The following ANO2 variants were observed in gnomAD, a reference collection of about 807,000 sequenced individuals.
ANO2 encodes the protein anoctamin 2.
Under a neutral mutation model 124.2 loss-of-function variants are expected in ANO2, and 101 were observed. The ratio of observed to expected loss-of-function variants is 0.81; its 90% CI spans 0.69 to 0.96. The LOEUF (loss-of-function observed/expected upper bound fraction) is 0.96. Ranked by LOEUF, ANO2 falls within the 40% of genes least tolerant of loss-of-function variation. The pLI, the probability that ANO2 is intolerant of heterozygous loss-of-function variation, is 0.00. For missense variants in ANO2, 1,293 were observed against 1,274.5 expected (o/e 1.01, Z -0.22); for synonymous variants, 486 against 482.5 (o/e 1.01, Z -0.09).
intron 3 of ANO2, among the ~76,000 whole-genome samples, chr12:5,861,364 C>T (rs1209850628): frequency 6.6e-6 from 1 of 152,166 alleles, no homozygotes; most frequent in East Asian, 1.9e-4. Context: ...GTACCCCCAG[C>T]CACCTCTCTC....
rs34935879 is a variant in ANO2 at position 5,759,152 on chromosome 12, CAA to C, written c.1056-8184_1056-8183del. 4.8e-3 allele frequency among the ~76,000 whole-genome samples: 662 copies of C among 137,006 alleles called. 4 individuals are homozygous for C. Among genetic ancestry groups the C allele is most frequent in the African/African-American group, 0.017 (616 of 36,872 alleles). 89.9% of individuals were successfully genotyped at this position (137,006 alleles called of 152,430 possible). On this transcript the variant is annotated intron_variant, in intron 10 of 24. Coordinates refer to ENST00000682330, the MANE Select transcript of ANO2 (RefSeq NM_001364791.2). ...ATGGCTAAGAATTTTCCAAAAGTTA[CAA>C]AAAAAAAAAAAACAACAAAACACAA...
At chr12:5,785,706 C>T (rs775964165) in intron 10 of ANO2, among the ~76,000 whole-genome samples, 1 of 152,008 alleles carries the variant, frequency 6.6e-6, no homozygotes, top group African/African-American at 2.4e-5. Flanking sequence ...CACACAGACA[C>T]AGTTCCCATG....
rs1056050802 is a variant in ANO2, at chr12:5,850,365, G to A, written c.633+3678C>T. On this transcript the variant is annotated intron_variant, in intron 4 of 24. Transcript: ENST00000682330. ...CAGGAGGCAGAGGTTGCAGTGAGCC[G>A]AGATTGCACCACTGCACTCCAGCCT... Among the ~76,000 whole-genome samples, 11 of 146,758 alleles carry A rather than the reference G, an allele frequency of 7.5e-5. 1 individual carries two copies. The South Asian group carries it at 1.3e-3, about 17-fold the overall frequency.
At chr12:5,574,987 C>T (rs1019302028) in intron 23 of ANO2, among the ~76,000 whole-genome samples, 2 of 152,110 alleles carry the variant, frequency 1.3e-5, no homozygotes, top group African/African-American at 4.8e-5. Context: ...CCTTGCTAAC[C>T]ATATCACCTA....
At chr12:5,812,200 G>A (rs1175080825) in intron 7 of ANO2, among the ~76,000 whole-genome samples, 1 of 130,944 alleles carries the variant, frequency 7.6e-6, no homozygotes, top group African/African-American at 2.9e-5. Context: ...GGAAGGGAGG[G>A]AAGAAAAGGG....
chr12:5,572,698 T>A (rs1264961126), intron 23 of ANO2, among the ~76,000 whole-genome samples: 1 of 152,208 alleles, frequency 6.6e-6, no homozygotes, highest in African/African-American at 2.4e-5. Flanking sequence ...TCACTGGTAC[T>A]GAGAGAGGAA....
chr12:5,664,815 A>G (rs1947620041), intron 14 of ANO2, among the ~76,000 whole-genome samples: 2 of 152,226 alleles, frequency 1.3e-5, no homozygotes, highest in Non-Finnish European at 2.9e-5. Flanking sequence ...TAGGGAATTT[A>G]ATGGGCAAAT....
Position 5,610,723 on chromosome 12 carries a change from C to CATATATATATAT in ANO2, c.2087+1921_2087+1932dup, listed in dbSNP as rs377499491. ...ATACATGTATGTGTACACATATATA[C>CATATATATATAT]ATATATATATATATATATATGAAAA... On this transcript the variant is annotated intron_variant, in intron 19 of 24. Coordinates refer to ENST00000682330, the MANE Select transcript of ANO2 (RefSeq NM_001364791.2). Among the ~76,000 whole-genome samples the CATATATATATAT allele has an allele frequency of 2.3e-3, 263 of 116,888 alleles. 5 individuals are homozygous for CATATATATATAT. The highest frequency in any genetic ancestry group is 8.3e-3 in the African/African-American group (247 of 29,676). 76.7% of individuals were successfully genotyped at this position (116,888 alleles called of 152,430 possible). A position where few individuals can be genotyped will look rare whatever the true frequency, so the allele number is the denominator to read the frequency against.
At chr12:5,871,409 T>G (rs1050994273) in intron 3 of ANO2, among the ~76,000 whole-genome samples, 4 of 152,218 alleles carry the variant, frequency 2.6e-5, no homozygotes, top group Admixed American at 6.5e-5. Flanking sequence ...ATACCTAGAA[T>G]AGAGTATGCA....
chr12:5,790,231 T>C (rs1183692252), intron 10 of ANO2, among the ~76,000 whole-genome samples: 1 of 152,162 alleles, frequency 6.6e-6, no homozygotes, highest in East Asian at 1.9e-4. Flanking sequence ...CCAGGAGAGA[T>C]GAGAGAAGAA....
At chr12:5,945,283 G>T, upstream of ANO2, 2 of 1,239,282 alleles carry the variant, frequency 1.6e-6, no homozygotes, top group Non-Finnish European at 2.1e-6. Context: ...CCGCCGCGGG[G>T]CTAATTCCAT....
intron 10 of ANO2, among the ~76,000 whole-genome samples, chr12:5,773,727 C>T (rs554680378): frequency 1.3e-5 from 2 of 152,210 alleles, no homozygotes; most frequent in Admixed American, 6.5e-5. Flanking sequence ...GCTGAGCCAC[C>T]GCCCCCTACA....
In ANO2 at chr12:5,769,040, C is replaced by T. The variant is rs1459197986; in HGVS notation, c.1056-18070G>A. 6.6e-6 allele frequency among the ~76,000 whole-genome samples: 1 copy of T among 152,060 alleles called. No individual in the cohort carries two copies. The highest frequency in any genetic ancestry group is 2.4e-5 in the African/African-American group (1 of 41,394). On this transcript the variant is annotated intron_variant, in intron 10 of 24. Coordinates refer to ENST00000682330, the MANE Select transcript of ANO2 (RefSeq NM_001364791.2). This position sits in a 1 kb window ranked among gnomAD's most constrained non-coding sequence, Gnocchi z 4.0. ...TGTGGAAGCTGGGCTTAGCTTATGT[C>T]CTGACAGCTGGAAACAACACAGCAA...
In ANO2 at chr12:5,616,291, T is replaced by C. The variant is rs548051107; in HGVS notation, c.1817-994A>G. Among the ~76,000 whole-genome samples the C allele has an allele frequency of 1.1e-4, 17 of 152,278 alleles. No individual in the cohort carries two copies. In the South Asian group the frequency reaches 3.5e-3, roughly 32 times the overall value. On this transcript the variant is annotated intron_variant, in intron 16 of 24. Transcript: ENST00000682330. Reference sequence around the variant, plus strand: ...TTTGGTGTCTGGTGAGGGCCTGTCTTTTGGCTTATAGACAGCACCTTCTCA... The same window carrying C: ...TTTGGTGTCTGGTGAGGGCCTGTCTCTTGGCTTATAGACAGCACCTTCTCA...
chr12:5,703,837 G>A (rs962507460), intron 14 of ANO2, among the ~76,000 whole-genome samples: 1 of 152,074 alleles, frequency 6.6e-6, no homozygotes, highest in Non-Finnish European at 1.5e-5. Flanking sequence ...GTGAGCCACC[G>A]TGCCTGGCAG....
At chr12:5,751,785 A>G (rs1951448720) in intron 10 of ANO2, among the ~76,000 whole-genome samples, 1 of 152,230 alleles carries the variant, frequency 6.6e-6, no homozygotes, top group East Asian at 1.9e-4. Flanking sequence ...ACAATACAGT[A>G]TCATTAACTA....
chr12:5,571,827 T>C (rs900068265), intron 23 of ANO2, among the ~76,000 whole-genome samples: 1 of 152,186 alleles, frequency 6.6e-6, no homozygotes, highest in African/African-American at 2.4e-5. Context: ...TCCAGAGAAT[T>C]GAGTGACCCA....
At position 5,582,669 on chromosome 12, in the gene ANO2, T is replaced by C. The variant is rs138241568; in HGVS notation, c.2234-4151A>G. ...TTTCCTCCCCACCCATGTTCTGTGC[T>C]AAGGGCAAATATTTAGCAAGTATGT... On this transcript the variant is annotated intron_variant, in intron 20 of 24. Transcript: ENST00000682330. Among the ~76,000 whole-genome samples, 492 of 152,346 alleles carry C rather than the reference T, an allele frequency of 3.2e-3. 7 individuals carry two copies. Among genetic ancestry groups the C allele is most frequent in the African/African-American group, 0.011 (452 of 41,582 alleles).
chr12:5,893,299 A>G (rs958399046), intron 3 of ANO2, among the ~76,000 whole-genome samples: 49 of 152,206 alleles, frequency 3.2e-4, no homozygotes, highest in African/African-American at 1.1e-3. Flanking sequence ...CAGAGTAAAT[A>G]GACAACATAT....
Sources: gnomAD v4.1 joint callset for allele counts (sites outside exome capture counted in the v4.1 genomes callset) on GRCh38, gnomAD v4.1.1 for gene constraint, Gnocchi (gnomAD v3.1) non-coding constraint, MANE v1.5 for transcripts, NCBI Gene and HGNC (gene_info 2026-07-23, HGNC 2026-07-21) for gene names.